Variants in LMAN2L observed in about 807,000 individuals in gnomAD.
The protein encoded by LMAN2L is VIP36-like protein.
A neutral mutation model predicts 44.3 loss-of-function variants in LMAN2L; 30 were observed. The observed-to-expected ratio is 0.68, with a 90% CI of 0.51 to 0.92. LMAN2L has a LOEUF of 0.92. LMAN2L is among the 40% of genes least tolerant of loss of function. The probability of loss-of-function intolerance (pLI) is 0.00; values close to 1 mark genes in which losing one functional copy is unlikely to be tolerated. For synonymous variants in LMAN2L, 183 were observed against 171.1 expected, an observed-to-expected ratio of 1.07 and a Z score of -0.54; for missense variants, 429 against 446.1, an observed-to-expected ratio of 0.96 and a Z score of 0.35.
intron 4 of LMAN2L, among the ~76,000 whole-genome samples, chr2:96,719,813 C>T (rs1018496822): frequency 9.2e-5 from 14 of 152,236 alleles, no homozygotes; most frequent in African/African-American, 2.9e-4. Context: ...AGGCTGGTCT[C>T]GAACTCCTGA....
chr2:96,707,469 C>T (rs1205158730), intron 7 of LMAN2L, 71 bp from the exon 8 acceptor site: 16 of 1,488,570 alleles, frequency 1.1e-5, no homozygotes, highest in Non-Finnish European at 1.4e-5. Context: ...AAACTATAGG[C>T]TGTCCGGCCC....
chr2:96,713,513 G>C (rs1249150130), intron 4 of LMAN2L, among the ~76,000 whole-genome samples: 3 of 152,138 alleles, frequency 2.0e-5, no homozygotes, highest in African/African-American at 7.2e-5. Context: ...TTATGTCTCT[G>C]GGAGTCAGTC....
intron 4 of LMAN2L, among the ~76,000 whole-genome samples, chr2:96,729,764 C>A (rs912739720): frequency 1.3e-5 from 2 of 152,134 alleles, no homozygotes; most frequent in African/African-American, 2.4e-5. Flanking sequence ...CCTCAGCCTC[C>A]CAAAGTGCTG....
chr2:96,719,579 C>T (rs2078108194), intron 4 of LMAN2L, among the ~76,000 whole-genome samples: 1 of 150,786 alleles, frequency 6.6e-6, no homozygotes, highest in Non-Finnish European at 1.5e-5. Context: ...AAGACCGTAT[C>T]TCTACAAAAA....
At chr2:96,727,998 CA>C (rs1433453322) in intron 4 of LMAN2L, among the ~76,000 whole-genome samples, 3 of 152,146 alleles carry the variant, frequency 2.0e-5, no homozygotes, top group Non-Finnish European at 4.4e-5. Context: ...TCATCTACCC[CA>C]AAAGGTTGTT....
intron 4 of LMAN2L, among the ~76,000 whole-genome samples, chr2:96,719,123 T>TGG: frequency 6.6e-6 from 1 of 152,160 alleles, no homozygotes; most frequent in Non-Finnish European, 1.5e-5. Context: ...ATGTCTTTAT[T>TGG]TCACTGCTGA....
intron 4 of LMAN2L, among the ~76,000 whole-genome samples, chr2:96,717,523 C>T (rs1304300209): frequency 1.5e-5 from 2 of 133,574 alleles, no homozygotes; most frequent in African/African-American, 5.9e-5. Flanking sequence ...CAAAACCAAA[C>T]CCTGTGTCGG....
chr2:96,733,654 A>G, intron 3 of LMAN2L, 53 bp from the exon 4 acceptor site: 1 of 1,407,606 alleles, frequency 7.1e-7, no homozygotes, highest in Non-Finnish European at 1.0e-6. Flanking sequence ...GAGTTGATAA[A>G]GGAATAATAT....
intron 4 of LMAN2L, among the ~76,000 whole-genome samples, chr2:96,725,150 G>A (rs1410346095): frequency 6.6e-6 from 1 of 152,006 alleles, no homozygotes; most frequent in Non-Finnish European, 1.5e-5. Flanking sequence ...AATAGAGACG[G>A]GGTTTCACCA....
intron 4 of LMAN2L, among the ~76,000 whole-genome samples, chr2:96,717,533 G>GAAAA (rs763461930): frequency 9.0e-6 from 1 of 111,114 alleles, no homozygotes; most frequent in African/African-American, 3.4e-5. Flanking sequence ...CCCTGTGTCG[G>GAAAA]AAAAAAAAAA....
At chr2:96,739,744 C>T in intron 1 of LMAN2L, 110 bp downstream of exon 1, 1 of 1,140,944 alleles carries the variant, frequency 8.8e-7, no homozygotes, top group Non-Finnish European at 1.3e-6. Context: ...CCCACCACCG[C>T]CAGCAGTTTC....
intron 4 of LMAN2L, among the ~76,000 whole-genome samples, chr2:96,718,453 G>A (rs772773526): frequency 4.6e-5 from 7 of 151,794 alleles, no homozygotes; most frequent in African/African-American, 7.3e-5. Context: ...ATGTTTGTAC[G>A]CTTTTGTTTT....
intron 4 of LMAN2L, among the ~76,000 whole-genome samples, chr2:96,715,939 T>C (rs1157996481): frequency 2.0e-5 from 3 of 152,232 alleles, no homozygotes; most frequent in Non-Finnish European, 4.4e-5. Context: ...ACAGGGTTCA[T>C]TATGAAGATG....
At chr2:96,711,593 A>G (rs1446591403) in intron 6 of LMAN2L, 63 bp downstream of exon 6, 9 of 1,108,134 alleles carry the variant, frequency 8.1e-6, no homozygotes, top group East Asian at 4.7e-5. Context: ...AGAGGCCTCA[A>G]TGAAGTGTGG....
In LMAN2L at chr2:96,706,980, C is replaced by A. The variant is rs950429920; in HGVS notation, c.*276G>T. 3.8e-6 allele frequency: 1 copy of A among 260,706 alleles called. No individual in the cohort carries two copies. The highest frequency in any genetic ancestry group is 5.3e-5 in the Admixed American group (1 of 18,998). 16.1% of individuals were successfully genotyped at this position (260,706 alleles called of 1,614,324 possible). On this transcript the variant is annotated 3_prime_UTR_variant, in exon 8 of 8. Transcript: ENST00000264963. ...TTTTGGCATCACAACCACGTAAATT[C>A]TCTTCACACCTCTGCTCCCACATGG...
At chr2:96,732,252 G>GTAT (rs74974138) in intron 4 of LMAN2L, among the ~76,000 whole-genome samples, 19,367 of 151,818 alleles carry the variant, frequency 0.13, 1,984 homozygotes, top group African/African-American at 0.28. Context: ...TCCTCGCTAG[G>GTAT]TACTTAGCTA....
intron 1 of LMAN2L, among the ~76,000 whole-genome samples, chr2:96,738,378 T>C (rs866655267): frequency 6.6e-6 from 1 of 152,196 alleles, no homozygotes; most frequent in Non-Finnish European, 1.5e-5. Flanking sequence ...TCCTGAGTTA[T>C]ATCAAAAAGA....
intron 1 of LMAN2L, among the ~76,000 whole-genome samples, chr2:96,739,527 G>A (rs1425882640): frequency 6.6e-6 from 1 of 152,130 alleles, no homozygotes; most frequent in African/African-American, 2.4e-5. Flanking sequence ...TCTGGAGACT[G>A]GCTCATTGCT....
intron 4 of LMAN2L, among the ~76,000 whole-genome samples, chr2:96,719,199 G>A (rs970170225): frequency 1.3e-5 from 2 of 152,116 alleles, no homozygotes; most frequent in African/African-American, 4.8e-5. Context: ...TATAGAACAG[G>A]AGATCTTCAG....
Sources: allele counts gnomAD v4.1 joint callset (sites outside exome capture counted in the v4.1 genomes callset), GRCh38; gene constraint gnomAD v4.1.1; transcripts MANE v1.5; gene names NCBI Gene and HGNC (gene_info 2026-07-23, HGNC 2026-07-21).